SERPING1: variants seen among roughly 807,000 people sequenced by gnomAD.
The protein encoded by SERPING1 is serpin family G member 1.
Under a neutral mutation model 34.1 loss-of-function variants are expected in SERPING1, and 5 were observed. That is an observed-to-expected ratio of 0.15 (90% CI 0.08 to 0.31). The LOEUF is 0.31. Ranked by LOEUF, SERPING1 falls within the 10% of genes least tolerant of loss-of-function variation. SERPING1 has a pLI of 1.00. For missense variants in SERPING1, 505 were observed against 609.5 expected, an observed-to-expected ratio of 0.83 and a Z score of 1.81; for synonymous variants, 225 against 242.4, an observed-to-expected ratio of 0.93 and a Z score of 0.67.
chr11:57,598,010 T>G, intron 1 of SERPING1: 1 of 538,236 alleles, frequency 1.9e-6, no homozygotes, highest in Non-Finnish European at 3.4e-6. Context: ...ACTGAACAGA[T>G]GGACAGAGAC....
intron 4 of SERPING1, 197 bp from the exon 5 acceptor site, chr11:57,605,813 G>C (rs1211220745): frequency 3.1e-6 from 2 of 651,392 alleles, no homozygotes; most frequent in East Asian, 5.5e-5. Flanking sequence ...TACTTCTCTT[G>C]TTCTTGGTTC....
chr11:57,605,137 A>C (rs912007628), intron 4 of SERPING1, among the ~76,000 whole-genome samples: 1 of 152,144 alleles, frequency 6.6e-6, no homozygotes, highest in African/African-American at 2.4e-5. Context: ...TTACTTACAA[A>C]GCTGTAAGTC....
rs770743959 is a variant in SERPING1, at chr11:57,614,445, C to G, written c.1367C>G (p.Ala456Gly). The G allele has an allele frequency of 1.7e-5, 27 of 1,613,924 alleles. No individual in the cohort carries two copies. Among genetic ancestry groups the G allele is most frequent in the Non-Finnish European group, 2.3e-5 (27 of 1,180,042 alleles). The change falls in exon 8 of 8, where the codon GCG becomes GGG. Residue 456 changes from alanine (A) to glycine (G), a missense_variant. Physicochemically the swap from Ala to Gly is moderately conservative, Grantham distance 60 (BLOSUM62 0). Transcript: ENST00000278407. ...GAACTGACAGAGACTGGGGTGGAGG[C>G]GGCTGCAGCCTCCGCCATCTCTGTG... ...VLELTETGVE[A>G]AAASAISVAR...
At chr11:57,598,960 G>C (rs917674550) in intron 2 of SERPING1, among the ~76,000 whole-genome samples, 3 of 151,886 alleles carry the variant, frequency 2.0e-5, no homozygotes, top group African/African-American at 7.3e-5. Context: ...CGCGCAAGTT[G>C]GTATCACATA....
intron 1 of SERPING1, 187 bp from the exon 2 acceptor site, chr11:57,598,062 A>G: frequency 1.8e-6 from 1 of 566,220 alleles, no homozygotes; most frequent in Non-Finnish European, 3.2e-6. Flanking sequence ...GTGCCGGGAA[A>G]GGGAAGCGGT....
intron 6 of SERPING1, among the ~76,000 whole-genome samples, chr11:57,608,721 C>T (rs1045051830): frequency 6.6e-6 from 1 of 151,770 alleles, no homozygotes; most frequent in Non-Finnish European, 1.5e-5. Flanking sequence ...CCATGTTGGC[C>T]AGGCTGGTCA....
intron 3 of SERPING1, 89 bp downstream of exon 3, chr11:57,600,466 G>T: frequency 6.8e-7 from 1 of 1,462,754 alleles, no homozygotes; most frequent in Non-Finnish European, 9.6e-7. Flanking sequence ...CCATGCCTCT[G>T]GGAAGAAGCT....
chr11:57,600,965 AT>A (rs1342711285), intron 3 of SERPING1, among the ~76,000 whole-genome samples: 3 of 143,692 alleles, frequency 2.1e-5, no homozygotes, highest in African/African-American at 7.7e-5. Flanking sequence ...AAAAAAAAAA[AT>A]TATCAGAGAT....
At chr11:57,598,531 G>A (rs61886745) in intron 2 of SERPING1, among the ~76,000 whole-genome samples, 2 of 152,204 alleles carry the variant, frequency 1.3e-5, no homozygotes, top group African/African-American at 4.8e-5. Flanking sequence ...ATCTTGGCGG[G>A]CCATGTAGGA....
chr11:57,601,183 G>A (rs1043355115), intron 3 of SERPING1, among the ~76,000 whole-genome samples: 1 of 151,886 alleles, frequency 6.6e-6, no homozygotes, highest in African/African-American at 2.4e-5. Flanking sequence ...GGCAGATCAC[G>A]AGGTCAGGAG....
chr11:57,600,347 A>T lies in SERPING1; in HGVS notation c.520A>T (p.Ile174Phe). Residue 174 changes from isoleucine to phenylalanine, a missense_variant, in exon 3 of 8, where the codon ATC becomes TTC. Coordinates refer to ENST00000278407, the MANE Select transcript of SERPING1 (RefSeq NM_000062.3). The part of the protein sequence containing the change: ...ETNMAFSPFS[I>F]ASLLTQVLLG... ...CAACATGGCCTTTTCCCCATTCAGC[A>T]TCGCCAGCCTCCTTACCCAGGTCCT... The T allele has an allele frequency of 6.2e-7, 1 of 1,612,648 alleles. No homozygotes were observed.
In SERPING1 at chr11:57,606,878, C is replaced by CT. The variant is rs1454264478; in HGVS notation, c.1029+332dup. The CT allele has an allele frequency of 1.7e-5, 10 of 576,130 alleles. No individual in the cohort carries two copies. In the East Asian group the frequency reaches 4.0e-4, roughly 23 times the overall value. 35.7% of individuals were successfully genotyped at this position (576,130 alleles called of 1,614,324 possible). A position where few individuals can be genotyped will look rare whatever the true frequency, so the allele number is the denominator to read the frequency against. ...GAAGACTCTGGTGGCTTAGCAAGTC[C>CT]TGTGTGTATGTGGGTACCTGTGTAC... On this transcript the variant is annotated intron_variant, in intron 6 of 7. Transcript: ENST00000278407.
intron 7 of SERPING1, among the ~76,000 whole-genome samples, chr11:57,613,693 G>T (rs1004675983): frequency 6.6e-6 from 1 of 152,138 alleles, no homozygotes; most frequent in African/African-American, 2.4e-5. Flanking sequence ...CATCATGTAG[G>T]CATGATTGAT....
Position 57,611,716 on chromosome 11 carries a change from G to T in SERPING1, c.1030-1G>T. ...GTTAAGATGCATCTCTTATTTTCTA[G>T]GTGGGGCAGCTGCAGCTCTCCCACA... On this transcript the variant is annotated splice_acceptor_variant, in intron 6 of 7. Coordinates refer to ENST00000278407, the MANE Select transcript of SERPING1 (RefSeq NM_000062.3). LOFTEE classifies it high-confidence loss of function. The T allele has an allele frequency of 6.2e-7, 1 of 1,613,718 alleles. No homozygotes were observed. Among genetic ancestry groups the T allele is most frequent in the Non-Finnish European group, 8.5e-7 (1 of 1,179,636 alleles).
At chr11:57,604,526 C>T (rs111974732) in intron 4 of SERPING1, among the ~76,000 whole-genome samples, 2 of 151,926 alleles carry the variant, frequency 1.3e-5, no homozygotes, top group African/African-American at 4.8e-5. Context: ...GCTCTGAGCT[C>T]CCCACCCAGC....
chr11:57,614,281 G>A (rs1183169953), intron 7 of SERPING1, 47 bp from the exon 8 acceptor site: 2 of 1,607,824 alleles, frequency 1.2e-6, no homozygotes, highest in South Asian at 2.2e-5. Flanking sequence ...ATCAGCTGAG[G>A]GTATCATGCT....
chr11:57,599,999 C>T lies in SERPING1; in HGVS notation c.172C>T (p.Pro58Ser). Reference sequence around the variant, plus strand: ...TATCTCCAAGATGCTATTCGTTGAACCCATCCTGGAGGTTTCCAGCTTGCC... The same window carrying T: ...TATCTCCAAGATGCTATTCGTTGAATCCATCCTGGAGGTTTCCAGCTTGCC... ...TVISKMLFVE[P>S]ILEVSSLPTT... The change falls in exon 3 of 8, where the codon CCC (proline) becomes TCC (serine). Residue 58 changes from proline (P) to serine (S), a missense_variant. Transcript: ENST00000278407. The T allele has an allele frequency of 6.2e-7, 1 of 1,614,150 alleles. No homozygotes were observed. The highest frequency in any genetic ancestry group is 8.5e-7 in the Non-Finnish European group (1 of 1,180,034).
At chr11:57,609,306 C>G (rs1211780325) in intron 6 of SERPING1, among the ~76,000 whole-genome samples, 1 of 151,992 alleles carries the variant, frequency 6.6e-6, no homozygotes, top group Non-Finnish European at 1.5e-5. Flanking sequence ...AGGCTGGGTA[C>G]AGTGGCTCAC....
chr11:57,599,846 G>C, intron 2 of SERPING1, 33 bp from the exon 3 acceptor site: 1 of 1,614,006 alleles, frequency 6.2e-7, no homozygotes, highest in South Asian at 1.1e-5. Flanking sequence ...CTCGTAGTAA[G>C]AAAAAAATGA....
Sources: allele counts gnomAD v4.1 joint callset (sites outside exome capture counted in the v4.1 genomes callset), GRCh38; gene constraint gnomAD v4.1.1; transcripts MANE v1.5; gene names NCBI Gene and HGNC (gene_info 2026-07-23, HGNC 2026-07-21).